Variants in MICU2 observed in about 807,000 individuals in gnomAD.
The protein encoded by MICU2 is mitochondrial calcium uptake 2.
Under a neutral mutation model 60.4 loss-of-function variants are expected in MICU2, and 64 were observed. The ratio of observed to expected loss-of-function variants is 1.06; its 90% CI spans 0.87 to 1.31. MICU2 has a LOEUF of 1.31. MICU2 is among the 50% of genes most tolerant of loss of function. The pLI is 0.00. For synonymous variants in MICU2, 201 were observed against 175.0 expected (o/e 1.15, Z -1.17); for missense variants, 569 against 531.0 (o/e 1.07, Z -0.70).
At chr13:21,568,536 A>G (rs1215161789) in intron 1 of MICU2, among the ~76,000 whole-genome samples, 2 of 152,210 alleles carry the variant, frequency 1.3e-5, no homozygotes, top group Non-Finnish European at 2.9e-5. Context: ...ATACTTTCTG[A>G]ACATTTTAAA....
At chr13:21,539,477 A>G (rs933112882) in intron 3 of MICU2, 100 bp from the exon 4 acceptor site, 13 of 1,342,790 alleles carry the variant, frequency 9.7e-6, no homozygotes, top group Non-Finnish European at 1.0e-5. Flanking sequence ...TTCTTTTTGT[A>G]TTTTTAGTAG....
At chr13:21,521,838 G>A (rs1449672905) in intron 5 of MICU2, among the ~76,000 whole-genome samples, 1 of 152,152 alleles carries the variant, frequency 6.6e-6, no homozygotes, top group Admixed American at 6.5e-5. Context: ...GTGCAGTACC[G>A]TGATCACAGC....
intron 1 of MICU2, chr13:21,582,880 T>A: frequency 5.7e-6 from 1 of 176,130 alleles, no homozygotes; most frequent in Non-Finnish European, 1.2e-5. Flanking sequence ...TCACCATTGT[T>A]CCATCTGTAA....
At chr13:21,591,149 C>T (rs1345721988) in intron 1 of MICU2, among the ~76,000 whole-genome samples, 1 of 150,674 alleles carries the variant, frequency 6.6e-6, no homozygotes, top group Admixed American at 6.6e-5. Context: ...TGCAAAAACA[C>T]ATACAGGCTC....
intron 2 of MICU2, among the ~76,000 whole-genome samples, chr13:21,556,936 C>A (rs1209025822): frequency 6.6e-6 from 1 of 152,144 alleles, no homozygotes; most frequent in Admixed American, 6.6e-5. Context: ...CCGATCTGCA[C>A]AATCACATGA....
At chr13:21,593,303 C>T (rs1386828720) in intron 1 of MICU2, among the ~76,000 whole-genome samples, 1 of 151,966 alleles carries the variant, frequency 6.6e-6, no homozygotes, top group Non-Finnish European at 1.5e-5. Context: ...ATACAGCTAA[C>T]AAGGGATGTG....
At position 21,604,119 on chromosome 13, in the gene MICU2, C is replaced by G. The variant is rs9509812; in HGVS notation, c.30G>C (p.Arg10=). The change falls in exon 1 of 12, where the codon CGG becomes CGC. Residue 10 remains arginine (R), a synonymous_variant. Coordinates refer to ENST00000382374, the MANE Select transcript of MICU2 (RefSeq NM_152726.3). ...GCAGTTTTCCGCCCCAGGCCGCCACCCGCGCGCAGCTACCCGCAGCCGCCG... is the reference window on the plus strand; with the variant it reads ...GCAGTTTTCCGCCCCAGGCCGCCACGCGCGCGCAGCTACCCGCAGCCGCCG... MAAAAGSCA[R]VAAWGGKLRR... The G allele has an allele frequency of 4.4e-5, 69 of 1,574,916 alleles. No individual in the cohort carries two copies. The highest frequency in any genetic ancestry group is 4.5e-4 in the Middle Eastern group (2 of 4,412).
chr13:21,570,089 T>C (rs1888073895), intron 1 of MICU2, among the ~76,000 whole-genome samples: 3 of 152,252 alleles, frequency 2.0e-5, no homozygotes, highest in African/African-American at 4.8e-5. Context: ...GTCCCTGGGC[T>C]AACTGTTGTC....
chr13:21,528,863 T>C (rs1037837628), intron 4 of MICU2, among the ~76,000 whole-genome samples: 3 of 152,182 alleles, frequency 2.0e-5, no homozygotes, highest in Non-Finnish European at 4.4e-5. Context: ...GAAGCTTGCG[T>C]TAATTCTCCA....
chr13:21,551,174 G>C (rs1436936382), intron 2 of MICU2: 2 of 152,682 alleles, frequency 1.3e-5, no homozygotes, highest in Admixed American at 6.6e-5. Flanking sequence ...ATATGCTCTT[G>C]GCTAATTCCA....
chr13:21,515,085 GTTT>G (rs5802119), intron 6 of MICU2, among the ~76,000 whole-genome samples: 2 of 139,324 alleles, frequency 1.4e-5, no homozygotes, highest in South Asian at 2.3e-4. Flanking sequence ...CAAGTATATA[GTTT>G]TTTTTTTTTT....
intron 2 of MICU2, among the ~76,000 whole-genome samples, chr13:21,545,981 G>A (rs1271688556): frequency 6.6e-6 from 1 of 152,030 alleles, no homozygotes; most frequent in East Asian, 1.9e-4. Flanking sequence ...TACATGTATT[G>A]CAACATCACT....
Position 21,604,164 on chromosome 13 carries a change from G to A in MICU2, c.-16C>T. 10 of 1,537,690 alleles carry A rather than the reference G, an allele frequency of 6.5e-6. No homozygotes were observed. The highest frequency in any genetic ancestry group is 8.7e-6 in the Non-Finnish European group (10 of 1,146,144). ...CCGCCGCCATCTTTGCGGAAGCGCA[G>A]CTAGGCGGCGCTTCTCTCCCGGCGC... On this transcript the variant is annotated 5_prime_UTR_variant, in exon 1 of 12. Transcript: ENST00000382374.
intron 1 of MICU2, among the ~76,000 whole-genome samples, chr13:21,598,132 C>T (rs1888736121): frequency 6.6e-6 from 1 of 151,362 alleles, no homozygotes; most frequent in Admixed American, 6.6e-5. Context: ...GAATGCTATG[C>T]AAAATAATTT....
At chr13:21,602,429 G>A (rs988936879) in intron 1 of MICU2, among the ~76,000 whole-genome samples, 6 of 152,214 alleles carry the variant, frequency 3.9e-5, no homozygotes, top group Non-Finnish European at 7.3e-5. Flanking sequence ...GGCTGAGGCA[G>A]GAGAATGGCG....
At chr13:21,589,974 C>T (rs1364361200) in intron 1 of MICU2, among the ~76,000 whole-genome samples, 2 of 152,164 alleles carry the variant, frequency 1.3e-5, no homozygotes, top group Non-Finnish European at 2.9e-5. Flanking sequence ...AAGTACCTTG[C>T]CTTGCTGAGA....
intron 1 of MICU2, among the ~76,000 whole-genome samples, chr13:21,599,325 G>A (rs1288141254): frequency 6.6e-6 from 1 of 152,110 alleles, no homozygotes; most frequent in Non-Finnish European, 1.5e-5. Context: ...ATGTATCAAG[G>A]CTTAAGAATG....
chr13:21,571,098 T>C (rs1485450619), intron 1 of MICU2, among the ~76,000 whole-genome samples: 3 of 150,942 alleles, frequency 2.0e-5, no homozygotes, highest in South Asian at 2.1e-4. Context: ...TTCAGGTTGC[T>C]TTTTTTTTGT....
intron 2 of MICU2, among the ~76,000 whole-genome samples, chr13:21,554,052 G>A (rs1366765484): frequency 1.3e-5 from 2 of 151,888 alleles, no homozygotes; most frequent in African/African-American, 4.8e-5. Flanking sequence ...GTGACCTACA[G>A]AGAGACTTAG....
Sources: allele counts gnomAD v4.1 joint callset (sites outside exome capture counted in the v4.1 genomes callset), GRCh38; gene constraint gnomAD v4.1.1; transcripts MANE v1.5; gene names NCBI Gene and HGNC (gene_info 2026-07-23, HGNC 2026-07-21).